TTC17: variants seen among roughly 807,000 people sequenced by gnomAD.
TTC17 encodes the protein tetratricopeptide repeat protein 17.
A neutral mutation model predicts 143.8 loss-of-function variants in TTC17; 58 were observed. The observed-to-expected ratio is 0.40, with a 90% CI of 0.33 to 0.50. TTC17 has a LOEUF of 0.50. Ranked by LOEUF, TTC17 falls within the 20% of genes least tolerant of loss-of-function variation. TTC17 has a pLI of 0.49. For missense variants in TTC17, 1,273 were observed against 1,392.5 expected, an observed-to-expected ratio of 0.91 and a Z score of 1.37; for synonymous variants, 501 against 497.8, an observed-to-expected ratio of 1.01 and a Z score of -0.09.
At chr11:43,391,974 G>A (rs760860375) in intron 5 of TTC17, 22 bp downstream of exon 5, 1 of 1,586,580 alleles carries the variant, frequency 6.3e-7, no homozygotes, top group South Asian at 1.2e-5. Flanking sequence ...GTCACTTAAA[G>A]AGCCAGCGGG....
Position 43,396,797 on chromosome 11 carries a change from G to A in TTC17, c.752G>A (p.Arg251Gln), listed in dbSNP as rs1453100286. 3 of 1,607,698 alleles carry A rather than the reference G, an allele frequency of 1.9e-6. No homozygotes were observed. Among genetic ancestry groups the A allele is most frequent in the African/African-American group, 1.3e-5 (1 of 74,796 alleles). Reference protein sequence around the residue: ...EPYQVVECAMRALHFSSRHNK... With the variant: ...EPYQVVECAMQALHFSSRHNK... ...TATCAGGTAGTAGAATGTGCCATGCGAGCACTTCACTTCTCTTCCAGGTAA... is the reference window on the plus strand; with the variant it reads ...TATCAGGTAGTAGAATGTGCCATGCAAGCACTTCACTTCTCTTCCAGGTAA... Residue 251 changes from arginine to glutamine, a missense_variant, in exon 6 of 24, where the codon CGA (arginine) becomes CAA (glutamine). Physicochemically the swap from Arg to Gln is conservative, Grantham distance 43 (BLOSUM62 1). Coordinates refer to ENST00000039989, the MANE Select transcript of TTC17 (RefSeq NM_018259.6).
chr11:43,461,308 C>T (rs1186142914), intron 21 of TTC17, among the ~76,000 whole-genome samples: 4 of 141,898 alleles, frequency 2.8e-5, no homozygotes, highest in South Asian at 4.6e-4. Context: ...GGCGTGAACC[C>T]GGGAAGCGGA....
intron 5 of TTC17, among the ~76,000 whole-genome samples, chr11:43,394,681 A>G (rs1271412912): frequency 6.6e-6 from 1 of 152,228 alleles, no homozygotes. Context: ...CGAAATACCT[A>G]TATGAGTTTG....
chr11:43,409,952 G>A (rs995888918), intron 15 of TTC17, among the ~76,000 whole-genome samples: 10 of 150,682 alleles, frequency 6.6e-5, no homozygotes, highest in Admixed American at 4.0e-4. Flanking sequence ...AGCTCTTCTC[G>A]TGCCTCAGAC....
intron 16 of TTC17, among the ~76,000 whole-genome samples, chr11:43,433,698 G>T (rs546448804): frequency 5.3e-5 from 8 of 152,134 alleles, no homozygotes; most frequent in Admixed American, 1.3e-4. Flanking sequence ...GTGGGCAGAG[G>T]GTGGGAGAGA....
At chr11:43,401,921 T>A (rs1167375326) in intron 10 of TTC17, among the ~76,000 whole-genome samples, 2 of 151,976 alleles carry the variant, frequency 1.3e-5, no homozygotes, top group African/African-American at 4.8e-5. Flanking sequence ...AAAGCTGTAG[T>A]GAACCCAGAT....
In TTC17 at chr11:43,405,897, A is replaced by G. The variant is rs1358939956; in HGVS notation, c.1707A>G (p.Glu569=). The change falls in exon 13 of 24, where the codon GAA becomes GAG. Residue 569 remains glutamate (E), a synonymous_variant. Transcript: ENST00000039989. ...KSHTLSYLVK[E]LEVRMDLKAK... Reference sequence around the variant, plus strand: ...ACACTCTGTCCTACTTAGTCAAAGAATTAGAGGTTCGCATGGATCTGAAAG... The same window carrying G: ...ACACTCTGTCCTACTTAGTCAAAGAGTTAGAGGTTCGCATGGATCTGAAAG... 1 of 1,614,036 alleles carries G rather than the reference A, an allele frequency of 6.2e-7. No individual in the cohort carries two copies. The highest frequency in any genetic ancestry group is 1.3e-5 in the African/African-American group (1 of 75,052).
chr11:43,422,365 G>A (rs966928047), intron 16 of TTC17, among the ~76,000 whole-genome samples: 1 of 152,164 alleles, frequency 6.6e-6, no homozygotes, highest in Admixed American at 6.5e-5. Context: ...TGTTGAATAG[G>A]TAGTTGGATA....
At chr11:43,441,713 A>G (rs893248363) in intron 16 of TTC17, among the ~76,000 whole-genome samples, 1 of 152,204 alleles carries the variant, frequency 6.6e-6, no homozygotes, top group African/African-American at 2.4e-5. Context: ...CAGCCTTTAG[A>G]AAAGCTTAAT....
intron 7 of TTC17, among the ~76,000 whole-genome samples, chr11:43,397,764 T>C (rs1857663785): frequency 1.3e-5 from 2 of 151,978 alleles, no homozygotes; most frequent in African/African-American, 4.8e-5. Flanking sequence ...AACCATCCTA[T>C]AGTATGCCTT....
intron 21 of TTC17, among the ~76,000 whole-genome samples, chr11:43,453,673 T>C (rs923054002): frequency 1.3e-5 from 2 of 152,198 alleles, no homozygotes; most frequent in African/African-American, 4.8e-5. Flanking sequence ...AAGCATTATA[T>C]ATTTGTCTAT....
intron 16 of TTC17, among the ~76,000 whole-genome samples, chr11:43,427,443 G>T (rs1047192031): frequency 6.6e-6 from 1 of 152,200 alleles, no homozygotes; most frequent in South Asian, 2.1e-4. Context: ...CGTGGAAATT[G>T]TACCAAATCT....
At chr11:43,363,109 G>A (rs1481794513) in intron 1 of TTC17, among the ~76,000 whole-genome samples, 1 of 152,166 alleles carries the variant, frequency 6.6e-6, no homozygotes, top group Non-Finnish European at 1.5e-5. Flanking sequence ...TAAGAAGTGA[G>A]CTATTATAAT....
intron 1 of TTC17, among the ~76,000 whole-genome samples, chr11:43,371,008 T>A (rs1856547157): frequency 8.4e-6 from 1 of 119,114 alleles, no homozygotes. Context: ...TGCTATGTTG[T>A]TCGGGGAGGG....
At chr11:43,481,520 G>C (rs1341060387) in intron 21 of TTC17, among the ~76,000 whole-genome samples, 1 of 152,108 alleles carries the variant, frequency 6.6e-6, no homozygotes, top group Non-Finnish European at 1.5e-5. Context: ...AGTTCTCTTT[G>C]TGGGAGGTTT....
intron 2 of TTC17, among the ~76,000 whole-genome samples, chr11:43,387,577 T>C (rs1286180924): frequency 1.3e-5 from 2 of 152,172 alleles, no homozygotes; most frequent in Admixed American, 6.5e-5. Context: ...TGGGGCTCTG[T>C]TGGGGATCTG....
intron 21 of TTC17, among the ~76,000 whole-genome samples, chr11:43,482,568 T>C (rs1168571494): frequency 2.0e-5 from 3 of 152,182 alleles, no homozygotes; most frequent in Non-Finnish European, 1.5e-5. Flanking sequence ...TTGAATTCTT[T>C]TCAGCTTATT....
In TTC17 at chr11:43,398,105, T is replaced by G; in HGVS notation, c.1050T>G (p.Ala350=). The G allele has an allele frequency of 6.2e-7, 1 of 1,613,932 alleles. No individual in the cohort carries two copies. The highest frequency in any genetic ancestry group is 8.5e-7 in the Non-Finnish European group (1 of 1,179,926). ...CQQKLEQKLE[A]QHRSLQRTLN... is the part of the protein sequence containing the mutation. Reference sequence around the variant, plus strand: ...AAAAACTGGAGCAGAAATTGGAGGCTCAGCATAGGTAATTGAGAGGAAAAA... The same window carrying G: ...AAAAACTGGAGCAGAAATTGGAGGCGCAGCATAGGTAATTGAGAGGAAAAA... The change falls in exon 8 of 24, where the codon GCT becomes GCG. Residue 350 remains alanine, a synonymous_variant. Coordinates refer to ENST00000039989, the MANE Select transcript of TTC17 (RefSeq NM_018259.6).
At chr11:43,433,594 G>A (rs967919054) in intron 16 of TTC17, among the ~76,000 whole-genome samples, 1 of 151,828 alleles carries the variant, frequency 6.6e-6, no homozygotes, top group Non-Finnish European at 1.5e-5. Context: ...TTAGCTTCAG[G>A]GTCCCTTGTG....
Sources: allele counts gnomAD v4.1 joint callset (sites outside exome capture counted in the v4.1 genomes callset), GRCh38; gene constraint gnomAD v4.1.1; transcripts MANE v1.5; gene names NCBI Gene and HGNC (gene_info 2026-07-23, HGNC 2026-07-21).